Variants in RHCE observed in about 807,000 individuals in gnomAD.
RHCE encodes Rh blood group CcEe antigens, also known as blood group Rh(CE) polypeptide.
RHCE carries 22 observed loss-of-function variants against 43.8 expected under a neutral mutation model. The ratio of observed to expected loss-of-function variants is 0.50; its 90% CI spans 0.36 to 0.72. The LOEUF is 0.72. Among genes scored for constraint, RHCE ranks in the 30% least tolerant of loss-of-function variants. The probability of loss-of-function intolerance (pLI) is 0.00; values close to 1 mark genes in which losing one functional copy is unlikely to be tolerated. For missense variants in RHCE, 385 were observed against 525.4 expected, an observed-to-expected ratio of 0.73 and a Z score of 2.61; for synonymous variants, 156 against 210.7, an observed-to-expected ratio of 0.74 and a Z score of 2.25.
At chr1:25,404,028 C>T (rs1330096229) in intron 2 of RHCE, among the ~76,000 whole-genome samples, 1 of 150,188 alleles carries the variant, frequency 6.7e-6, no homozygotes, top group African/African-American at 2.5e-5. Context: ...ATTACCCGGG[C>T]ATGGTGGTGC....
chr1:25,404,972 C>A (rs565504495), intron 2 of RHCE, among the ~76,000 whole-genome samples: 1 of 149,236 alleles, frequency 6.7e-6, no homozygotes, highest in South Asian at 2.1e-4. Context: ...GGGAGGATTG[C>A]TTAAGGCCTG....
chr1:25,387,932 C>T (rs551937000), intron 6 of RHCE, among the ~76,000 whole-genome samples: 38 of 152,090 alleles, frequency 2.5e-4, no homozygotes, highest in East Asian at 1.9e-3. Flanking sequence ...GTGATTCTCG[C>T]ATCTCAGCCT....
At chr1:25,412,747 G>GGCACA (rs1647132971) in intron 1 of RHCE, among the ~76,000 whole-genome samples, 1 of 145,886 alleles carries the variant, frequency 6.9e-6, no homozygotes, top group Admixed American at 6.9e-5. Flanking sequence ...AAAAAAGGCC[G>GGCACA]GGCACAGTGG....
intron 2 of RHCE, among the ~76,000 whole-genome samples, chr1:25,406,286 C>T (rs1244356973): frequency 8.4e-6 from 1 of 119,470 alleles, no homozygotes; most frequent in African/African-American, 2.6e-5. Flanking sequence ...TATTGAATCC[C>T]GGTGGGAATT....
intron 3 of RHCE, among the ~76,000 whole-genome samples, chr1:25,394,977 C>T (rs149763547): frequency 3.5e-3 from 497 of 144,014 alleles, no homozygotes; most frequent in Non-Finnish European, 4.5e-3. Context: ...AAAATCAGTG[C>T]TAAGCCCTCC....
At chr1:25,378,122 A>C (rs997998586) in intron 7 of RHCE, among the ~76,000 whole-genome samples, 1 of 152,230 alleles carries the variant, frequency 6.6e-6, no homozygotes, top group African/African-American at 2.4e-5. Context: ...AATGTAAAAA[A>C]TAGGTTTCAC....
Position 25,386,464 on chromosome 1 carries a change from T to C in RHCE, c.940-620A>G, listed in dbSNP as rs1362328597. ...TCCCACACAGCCATGAGCCAGCAGA[T>C]GTGGACACATATGCAAATTCAGTCA... On this transcript the variant is annotated intron_variant, in intron 6 of 9. Transcript: ENST00000294413. 4.6e-5 allele frequency among the ~76,000 whole-genome samples: 7 copies of C among 152,310 alleles called. No homozygotes were observed. In the South Asian group the frequency reaches 1.5e-3, roughly 32 times the overall value.
intron 1 of RHCE, among the ~76,000 whole-genome samples, chr1:25,410,246 C>G (rs1647030955): frequency 2.6e-5 from 4 of 152,134 alleles, no homozygotes; most frequent in African/African-American, 4.8e-5. Flanking sequence ...GTGCCTTGGA[C>G]TACCACACCA....
At position 25,362,463 on chromosome 1, in the gene RHCE, A is replaced by G. The variant is rs1298019909; in HGVS notation, c.*64T>C. 1 of 1,612,296 alleles carries G rather than the reference A, an allele frequency of 6.2e-7. No individual in the cohort carries two copies. Among genetic ancestry groups the G allele is most frequent in the East Asian group, 2.2e-5 (1 of 44,836 alleles). ...ATGAGCGTTTCTCACGTACAAATGC[A>G]GGCAACAGTGAGAGGAAGTTGTCTT... is the stretch of plus-strand genomic sequence containing the variant. On this transcript the variant is annotated 3_prime_UTR_variant, in exon 10 of 10. Transcript: ENST00000294413.
chr1:25,380,899 CT>C (rs898980956), intron 7 of RHCE, among the ~76,000 whole-genome samples: 1,459 of 128,922 alleles, frequency 0.011, 7 homozygotes, highest in African/African-American at 0.035. Context: ...TTCTTTCTTC[CT>C]TTTTTTTTTT....
intron 7 of RHCE, among the ~76,000 whole-genome samples, chr1:25,379,493 ATATTTT>A (rs1303147723): frequency 5.6e-5 from 1 of 17,892 alleles, no homozygotes; most frequent in Non-Finnish European, 7.6e-5. Flanking sequence ...ATATATATAT[ATATTTT>A]TTTTTTTTTT....
chr1:25,426,185 A>C (rs1571937310), intron 2 of RHCE, among the ~76,000 whole-genome samples: 1 of 152,254 alleles, frequency 6.6e-6, no homozygotes, highest in East Asian at 1.9e-4. Context: ...TTACTGTAGA[A>C]ACTTTGAAAA....
Position 25,389,008 on chromosome 1 carries a change from G to A in RHCE, c.907C>T (p.Leu303=). Residue 303 remains leucine (L), a synonymous_variant, in exon 6 of 10, where the codon CTG becomes TTG. Coordinates refer to ENST00000294413, the MANE Select transcript of RHCE (RefSeq NM_020485.8). Reference sequence around the variant, plus strand: ...CACTTGGCTCCCCCGATGGAGATCAGCCCAGCCACAAGACCCAGCACCATG... The same window carrying A: ...CACTTGGCTCCCCCGATGGAGATCAACCCAGCCACAAGACCCAGCACCATG... ...LAMVLGLVAG[L]ISIGGAKCLP... 1 of 1,613,342 alleles carries A rather than the reference G, an allele frequency of 6.2e-7. No individual in the cohort carries two copies. The highest frequency in any genetic ancestry group is 1.1e-5 in the South Asian group (1 of 91,082).
chr1:25,401,343 C>T (rs1646733470), intron 3 of RHCE, among the ~76,000 whole-genome samples: 1 of 152,180 alleles, frequency 6.6e-6, no homozygotes, highest in Non-Finnish European at 1.5e-5. Context: ...AGCTGGGATG[C>T]ACACCCCAGC....
intron 7 of RHCE, chr1:25,385,436 C>T: frequency 2.0e-6 from 1 of 507,422 alleles, no homozygotes; most frequent in Non-Finnish European, 3.7e-6. Context: ...GCCTATTTGA[C>T]CTGCTCTGTG....
intron 1 of RHCE, among the ~76,000 whole-genome samples, chr1:25,418,090 G>A (rs553530559): frequency 1.3e-3 from 195 of 151,146 alleles, no homozygotes; most frequent in African/African-American, 2.3e-3. Flanking sequence ...GTGCAGTGGC[G>A]TATTCTCAGC....
chr1:25,379,481 ATATATATATATATATTTTTTTTTTTTTTT>A (rs1325381061), intron 7 of RHCE, among the ~76,000 whole-genome samples: 12 of 17,932 alleles, frequency 6.7e-4, no homozygotes, highest in African/African-American at 1.9e-3. Context: ...ATATATATAT[ATATATATATATATATTTTTTTTTTTTTTT>A]TTTTTTTTTT....
At chr1:25,381,650 G>A (rs560133718) in intron 7 of RHCE, among the ~76,000 whole-genome samples, 37 of 151,890 alleles carry the variant, frequency 2.4e-4, no homozygotes, top group Non-Finnish European at 3.4e-4. Flanking sequence ...TAGAAACAGC[G>A]TTTCACCATG....
At chr1:25,382,849 A>C (rs28475276) in intron 7 of RHCE, among the ~76,000 whole-genome samples, 10,627 of 151,856 alleles carry the variant, frequency 0.07, 1,136 homozygotes, top group African/African-American at 0.23. Context: ...CCATACTGGC[A>C]TTCCAGAGAT....
Sources: gnomAD v4.1 joint callset for allele counts (sites outside exome capture counted in the v4.1 genomes callset) on GRCh38, gnomAD v4.1.1 for gene constraint, MANE v1.5 for transcripts, NCBI Gene and HGNC (gene_info 2026-07-23, HGNC 2026-07-21) for gene names.